Variants in GDAP1L1 observed in about 807,000 individuals in gnomAD.
GDAP1L1 encodes the protein ganglioside induced differentiation associated protein 1 like 1, also known as ganglioside-induced differentiation-associated protein 1-like 1.
In GDAP1L1, 21 loss-of-function variants were observed where a neutral mutation model predicts 37.1. That is an observed-to-expected ratio of 0.57 (90% CI 0.40 to 0.81). GDAP1L1 has a LOEUF of 0.81. GDAP1L1 is among the 40% of genes least tolerant of loss of function. The pLI, the probability that GDAP1L1 is intolerant of heterozygous loss-of-function variation, is 0.00. For synonymous variants in GDAP1L1, 193 were observed against 209.1 expected (o/e 0.92, Z 0.67); for missense variants, 362 against 491.6 (o/e 0.74, Z 2.49).
At chr20:44,271,708 A>G (rs1457173210) in intron 5 of GDAP1L1, among the ~76,000 whole-genome samples, 1 of 152,190 alleles carries the variant, frequency 6.6e-6, no homozygotes, top group Non-Finnish European at 1.5e-5. Context: ...ATGTGTTCTC[A>G]TGCTGGTGGA....
intron 1 of GDAP1L1, among the ~76,000 whole-genome samples, chr20:44,249,002 C>A (rs372574529): frequency 6.6e-6 from 1 of 150,992 alleles, no homozygotes; most frequent in Non-Finnish European, 1.5e-5. Flanking sequence ...CAGTGCCTGG[C>A]GAGAGGTCAA....
At chr20:44,261,582 CAA>C (rs1849374204) in intron 3 of GDAP1L1, among the ~76,000 whole-genome samples, 1 of 152,162 alleles carries the variant, frequency 6.6e-6, no homozygotes, top group Non-Finnish European at 1.5e-5. Context: ...TCCAGAAGCT[CAA>C]GTGTTAGAGG....
intron 1 of GDAP1L1, among the ~76,000 whole-genome samples, chr20:44,254,554 CTG>C (rs954756321): frequency 1.3e-5 from 2 of 152,230 alleles, no homozygotes; most frequent in Non-Finnish European, 2.9e-5. Context: ...GCGGGGCACT[CTG>C]TGAACACTGA....
intron 2 of GDAP1L1, 98 bp downstream of exon 2, chr20:44,257,443 G>A (rs564278443): frequency 8.2e-7 from 1 of 1,219,080 alleles, no homozygotes; most frequent in Admixed American, 2.5e-5. Context: ...GGAAGTCTGG[G>A]AAATTCACTG....
chr20:44,263,242 A>G lies in GDAP1L1; in HGVS notation c.560A>G (p.Asn187Ser), dbSNP rs2073704155. 1.2e-6 allele frequency: 2 copies of G among 1,613,880 alleles called. No individual in the cohort carries two copies. The highest frequency in any genetic ancestry group is 8.5e-7 in the Non-Finnish European group (1 of 1,179,916). Residue 187 changes from asparagine (N) to serine (S), a missense_variant, in exon 4 of 6, where the codon AAT becomes AGT. Around this residue, in one of 2 missense-constraint regions of GDAP1L1, gnomAD observed 277 missense variants for 337.1 expected, o/e 0.82. Coordinates refer to ENST00000342560, the MANE Select transcript of GDAP1L1 (RefSeq NM_024034.6). ...ATTATCTCCCCAGGACATTTAGCCA[A>G]TGCCACCACGGACCTCATGAAACTG... ...ATAEIRRHLA[N>S]ATTDLMKLDH...
In GDAP1L1 at chr20:44,279,325, G is replaced by A; in HGVS notation, c.*25G>A. The stretch of plus-strand genomic sequence containing the variant: ...GGGCCAGGCCTGGGGCTTGGTGTCT[G>A]ACTGTCGGTGTCTCTGTGCTGTGTG... On this transcript the variant is annotated 3_prime_UTR_variant, in exon 6 of 6. Transcript: ENST00000342560. 1 of 1,431,132 alleles carries A rather than the reference G, an allele frequency of 7.0e-7. No homozygotes were observed. Among genetic ancestry groups the A allele is most frequent in the Non-Finnish European group, 9.8e-7 (1 of 1,022,590 alleles). 88.7% of individuals were successfully genotyped at this position (1,431,132 alleles called of 1,614,324 possible).
At chr20:44,260,649 C>A (rs1454396127) in intron 3 of GDAP1L1, among the ~76,000 whole-genome samples, 1 of 152,144 alleles carries the variant, frequency 6.6e-6, no homozygotes, top group Non-Finnish European at 1.5e-5. Flanking sequence ...TTCCAAAATG[C>A]AGCAGCGACC....
At position 44,263,268 on chromosome 20, in the gene GDAP1L1, G is replaced by T; in HGVS notation, c.586G>T (p.Asp196Tyr). 6.2e-7 allele frequency: 1 copy of T among 1,614,088 alleles called. No individual in the cohort carries two copies. Among genetic ancestry groups the T allele is most frequent in the Non-Finnish European group, 8.5e-7 (1 of 1,179,988 alleles). Reference protein sequence around the residue: ...ANATTDLMKLDHEEEPQLSEP... With the variant: ...ANATTDLMKLYHEEEPQLSEP... ...TGCCACCACGGACCTCATGAAACTG[G>T]ACCATGAAGAGGAGCCCCAGCTCTC... The change falls in exon 4 of 6, where the codon GAC becomes TAC. Residue 196 changes from aspartate to tyrosine, a missense_variant. Physicochemically the swap from Asp to Tyr is radical, Grantham distance 160 (BLOSUM62 -3). Coordinates refer to ENST00000342560, the MANE Select transcript of GDAP1L1 (RefSeq NM_024034.6).
At chr20:44,261,482 A>G (rs77236606) in intron 3 of GDAP1L1, among the ~76,000 whole-genome samples, 2,663 of 152,306 alleles carry the variant, frequency 0.017, 37 homozygotes, top group Non-Finnish European at 0.027. Flanking sequence ...TCATTCATTC[A>G]TTCATTCAAC....
intron 5 of GDAP1L1, among the ~76,000 whole-genome samples, chr20:44,276,458 A>AAGAAAGAAAGAAAGAAAGAAAGAAAG (rs1456856510): frequency 4.0e-5 from 6 of 150,118 alleles, no homozygotes; most frequent in Admixed American, 2.6e-4. Flanking sequence ...GAAAGAAAGA[A>AAGAAAGAAAGAAAGAAAGAAAGAAAG]AGAAAGAAAA....
At chr20:44,261,274 G>A (rs1261064487) in intron 3 of GDAP1L1, among the ~76,000 whole-genome samples, 1 of 149,480 alleles carries the variant, frequency 6.7e-6, no homozygotes, top group African/African-American at 2.5e-5. Flanking sequence ...CCACCACATG[G>A]GCAGCGCTGG....
intron 5 of GDAP1L1, among the ~76,000 whole-genome samples, chr20:44,271,414 G>C (rs1286343186): frequency 6.6e-6 from 1 of 152,176 alleles, no homozygotes; most frequent in Non-Finnish European, 1.5e-5. Context: ...TAAGGAGACA[G>C]AATGGTGTCA....
At chr20:44,274,821 C>T (rs2062556385) in intron 5 of GDAP1L1, among the ~76,000 whole-genome samples, 1 of 152,186 alleles carries the variant, frequency 6.6e-6, no homozygotes, top group African/African-American at 2.4e-5. Context: ...TTCTCTGAGC[C>T]TGGAACCTGC....
chr20:44,273,898 AG>A (rs765366044), intron 5 of GDAP1L1, among the ~76,000 whole-genome samples: 2 of 152,096 alleles, frequency 1.3e-5, no homozygotes, highest in Non-Finnish European at 2.9e-5. Flanking sequence ...TCAAAGCATT[AG>A]AAAGAGATCT....
intron 1 of GDAP1L1, among the ~76,000 whole-genome samples, chr20:44,249,749 T>C (rs1051249651): frequency 6.6e-6 from 1 of 152,232 alleles, no homozygotes; most frequent in Non-Finnish European, 1.5e-5. Flanking sequence ...CTGTCTCCCA[T>C]ACCAGGGCCT....
At chr20:44,278,902 A>G (rs1884607) in intron 5 of GDAP1L1, 55 bp from the exon 6 acceptor site, 308,192 of 1,124,168 alleles carry the variant, frequency 0.27, 49,890 homozygotes, top group East Asian at 0.54. Context: ...GGAGAGAAGC[A>G]AGTGTGTGTG....
chr20:44,270,202 G>A (rs1201425541), intron 5 of GDAP1L1, among the ~76,000 whole-genome samples: 3 of 118,146 alleles, frequency 2.5e-5, no homozygotes, highest in African/African-American at 3.4e-5. Flanking sequence ...ACGGAGTCTC[G>A]CTCTGTCGCC....
intron 1 of GDAP1L1, among the ~76,000 whole-genome samples, chr20:44,249,060 G>C (rs1274680653): frequency 6.6e-6 from 1 of 150,624 alleles, no homozygotes; most frequent in Non-Finnish European, 1.5e-5. Flanking sequence ...TTTTGAGACA[G>C]AGTCTTGCTC....
intron 5 of GDAP1L1, 68 bp from the exon 6 acceptor site, chr20:44,278,889 C>A: frequency 1.0e-6 from 1 of 991,516 alleles, no homozygotes; most frequent in Non-Finnish European, 1.6e-6. Context: ...CAGTGGAGCT[C>A]ATGGAGAGAA....
Sources: gnomAD v4.1 joint callset for allele counts (sites outside exome capture counted in the v4.1 genomes callset) on GRCh38, gnomAD v4.1.1 for gene constraint, gnomAD v4.1.1 regional missense constraint, MANE v1.5 for transcripts, NCBI Gene and HGNC (gene_info 2026-07-23, HGNC 2026-07-21) for gene names.